The following GRIP2 variants were observed in gnomAD, a reference collection of about 807,000 sequenced individuals.
The protein encoded by GRIP2 is glutamate receptor interacting protein 2.
A neutral mutation model predicts 108.3 loss-of-function variants in GRIP2; 58 were observed. That is an observed-to-expected ratio of 0.54 (90% CI 0.43 to 0.67). The LOEUF (loss-of-function observed/expected upper bound fraction) is 0.67, where lower values mean the gene tolerates loss of function less well. Ranked by LOEUF, GRIP2 falls within the 30% of genes least tolerant of loss-of-function variation. GRIP2 has a pLI of 0.00. For synonymous variants in GRIP2, 586 were observed against 598.2 expected (o/e 0.98, Z 0.30); for missense variants, 1,278 against 1,430.6 (o/e 0.89, Z 1.72).
intron 9 of GRIP2, among the ~76,000 whole-genome samples, chr3:14,518,875 G>A (rs554454183): frequency 6.6e-6 from 1 of 152,178 alleles, no homozygotes; most frequent in East Asian, 1.9e-4. Context: ...CCACCTCCTC[G>A]GGTAATGGGG....
chr3:14,505,714 G>A lies in GRIP2; in HGVS notation c.2474C>T (p.Pro825Leu), dbSNP rs1481984921. The A allele has an allele frequency of 1.9e-6, 3 of 1,591,890 alleles. No homozygotes were observed. The highest frequency in any genetic ancestry group is 1.1e-5 in the South Asian group (1 of 87,984). Residue 825 changes from proline (P) to leucine (L), a missense_variant, in exon 20 of 24, where the codon CCC becomes CTC. Transcript: ENST00000621039. The surrounding 1 kb of genome is among the most constrained non-coding windows in gnomAD (Gnocchi z 4.2). The part of the protein sequence containing the change: ...ERRPGWLRGS[P>L]PPTEPRRTSY... ...CGTCCTCCGGGGCTCGGTGGGTGGG[G>A]GGCTGCCCCTCAGCCAGCCAGGCCT...
the GRIP2 span, among the ~76,000 whole-genome samples, chr3:14,574,985 C>A: frequency 1.3e-5 from 2 of 152,086 alleles, no homozygotes; most frequent in African/African-American, 2.4e-5. Context: ...AAGGTGATAA[C>A]ACCATAAAGA....
intron 1 of GRIP2, among the ~76,000 whole-genome samples, chr3:14,533,499 A>T (rs1694760277): frequency 6.6e-6 from 1 of 152,238 alleles, no homozygotes; most frequent in Non-Finnish European, 1.5e-5. Flanking sequence ...GTGGAATCCC[A>T]GAGTGGATGT....
intron 1 of GRIP2, among the ~76,000 whole-genome samples, chr3:14,536,252 T>C (rs1007681108): frequency 2.0e-5 from 3 of 152,140 alleles, no homozygotes; most frequent in African/African-American, 7.2e-5. Flanking sequence ...CAGTTAATTG[T>C]CCTAAGAACC....
At position 14,554,954 on chromosome 3, in the gene GRIP2, T is replaced by C. The variant is rs145843809; in HGVS notation, c.55+946A>G. ...CTGTTGACAGCAAGATGATTCTTGC[T>C]CCTCAGCCTGAAGCATAGAGATCGT... On this transcript the variant is annotated intron_variant, in intron 1 of 23. Coordinates refer to the GRIP2 transcript ENST00000637182. 5.4e-3 allele frequency among the ~76,000 whole-genome samples: 822 copies of C among 152,192 alleles called. 10 individuals are homozygous for C. Among genetic ancestry groups the C allele is most frequent in the African/African-American group, 0.019 (783 of 41,516 alleles).
chr3:14,529,522 A>G (rs1173765443), intron 1 of GRIP2, among the ~76,000 whole-genome samples: 2 of 152,228 alleles, frequency 1.3e-5, no homozygotes, highest in African/African-American at 4.8e-5. Flanking sequence ...CTTACAAAGT[A>G]ATACCATAAT....
chr3:14,571,200 G>A, the GRIP2 span, among the ~76,000 whole-genome samples: 2 of 152,172 alleles, frequency 1.3e-5, no homozygotes, highest in Non-Finnish European at 2.9e-5. Context: ...GTGTCTGTAC[G>A]TGCAGGTGTG....
At chr3:14,600,441 T>C in the GRIP2 span, among the ~76,000 whole-genome samples, 1 of 152,344 alleles carries the variant, frequency 6.6e-6, no homozygotes, top group African/African-American at 2.4e-5. Flanking sequence ...ACATAGTTAG[T>C]AATCAGAGGG....
At chr3:14,525,358 G>A (rs1298742696) in intron 3 of GRIP2, 79 bp downstream of exon 3, 25 of 1,540,922 alleles carry the variant, frequency 1.6e-5, no homozygotes, top group Non-Finnish European at 1.9e-5. Context: ...AAGACCTTCA[G>A]TACATTTTCC....
upstream of GRIP2, among the ~76,000 whole-genome samples, chr3:14,559,669 C>T (rs1231515706): frequency 6.7e-6 from 1 of 149,370 alleles, no homozygotes; most frequent in Non-Finnish European, 1.5e-5. Flanking sequence ...GAGGTGGCTC[C>T]ATAGATCCCA....
At chr3:14,570,086 G>C in the GRIP2 span, among the ~76,000 whole-genome samples, 1 of 152,208 alleles carries the variant, frequency 6.6e-6, no homozygotes, top group Non-Finnish European at 1.5e-5. Context: ...CAAGCAAAGG[G>C]AGAGGGGTTT....
At chr3:14,529,444 TTAAA>T (rs1276621461) in intron 1 of GRIP2, among the ~76,000 whole-genome samples, 1 of 152,216 alleles carries the variant, frequency 6.6e-6, no homozygotes, top group Non-Finnish European at 1.5e-5. Flanking sequence ...AATTTCACCT[TTAAA>T]TATTTCAATA....
At chr3:14,595,847 G>C in the GRIP2 span, among the ~76,000 whole-genome samples, 1 of 152,226 alleles carries the variant, frequency 6.6e-6, no homozygotes, top group East Asian at 1.9e-4. Flanking sequence ...CCCAGGGCCT[G>C]GCTCGCAAAG....
chr3:14,552,421 T>G (rs1202407871), intron 1 of GRIP2, among the ~76,000 whole-genome samples: 1 of 152,164 alleles, frequency 6.6e-6, no homozygotes, highest in Admixed American at 6.5e-5. Flanking sequence ...CCTAGAACAA[T>G]ACCTATGACG....
At chr3:14,546,558 G>A (rs931294390), upstream of GRIP2, among the ~76,000 whole-genome samples, 1 of 152,172 alleles carries the variant, frequency 6.6e-6, no homozygotes, top group African/African-American at 2.4e-5. Flanking sequence ...AATAGGGCAC[G>A]TTTGAGGAAT....
At chr3:14,580,553 C>T in the GRIP2 span, among the ~76,000 whole-genome samples, 1 of 152,070 alleles carries the variant, frequency 6.6e-6, no homozygotes, top group African/African-American at 2.4e-5. Context: ...AAAAATTAGC[C>T]GGTGTGGTGG....
At chr3:14,525,120 G>A (rs1694518651) in intron 3 of GRIP2, among the ~76,000 whole-genome samples, 1 of 152,212 alleles carries the variant, frequency 6.6e-6, no homozygotes, top group South Asian at 2.1e-4. Flanking sequence ...AAAGAGGAGT[G>A]TGCCAGGAGG....
At chr3:14,573,425 G>A in the GRIP2 span, 236 of 1,399,540 alleles carry the variant, frequency 1.7e-4, 5 homozygotes, top group East Asian at 5.3e-3. Context: ...GCAGGATCCT[G>A]GTGTGCAGGA....
At chr3:14,564,699 A>T in the GRIP2 span, among the ~76,000 whole-genome samples, 2 of 152,186 alleles carry the variant, frequency 1.3e-5, no homozygotes, top group African/African-American at 4.8e-5. Context: ...GGGAAAGGGG[A>T]GAAAGATGAA....
Sources: allele counts gnomAD v4.1 joint callset (sites outside exome capture counted in the v4.1 genomes callset), GRCh38; gene constraint gnomAD v4.1.1; non-coding constraint Gnocchi (gnomAD v3.1); transcripts MANE v1.5; gene names NCBI Gene and HGNC (gene_info 2026-07-23, HGNC 2026-07-21).